Variants in ACCS observed in about 807,000 individuals in gnomAD.
ACCS encodes 1-aminocyclopropane-1-carboxylate synthase homolog (inactive), also known as 1-aminocyclopropane-1-carboxylate synthase-like protein 1.
Under a neutral mutation model 59.8 loss-of-function variants are expected in ACCS, and 42 were observed. The observed-to-expected ratio is 0.70, with a 90% confidence interval of 0.55 to 0.91. The LOEUF (loss-of-function observed/expected upper bound fraction) is 0.91. Ranked by LOEUF, ACCS falls within the 40% of genes least tolerant of loss-of-function variation. The probability of loss-of-function intolerance (pLI) is 0.00; values close to 1 mark genes in which losing one functional copy is unlikely to be tolerated. For synonymous variants in ACCS, 230 were observed against 240.3 expected, an observed-to-expected ratio of 0.96 and a Z score of 0.40; for missense variants, 602 against 630.4, an observed-to-expected ratio of 0.95 and a Z score of 0.48.
chr11:44,068,058 G>A, intron 2 of ACCS, 143 bp downstream of exon 2: 1 of 873,206 alleles, frequency 1.1e-6, no homozygotes, highest in Non-Finnish European at 1.7e-6. Flanking sequence ...TTCTGATGTA[G>A]CTTAGAGAGG....
Position 44,073,432 on chromosome 11 carries a change from C to T in ACCS, c.349-15C>T. 1 of 1,604,044 alleles carries T rather than the reference C, an allele frequency of 6.2e-7. No homozygotes were observed. The highest frequency in any genetic ancestry group is 8.5e-7 in the Non-Finnish European group (1 of 1,175,830). ...GTGCTGGCCCTCAGCCGTGCTCTTC[C>T]CTCTCTGTCCCCAGCTGAGTCAGCG... On this transcript the variant is annotated splice_polypyrimidine_tract_variant and intron_variant, in intron 3 of 14. Coordinates refer to ENST00000263776, the MANE Select transcript of ACCS (RefSeq NM_032592.4).
intron 8 of ACCS, 37 bp downstream of exon 8, chr11:44,077,959 G>A: frequency 6.2e-7 from 1 of 1,606,902 alleles, no homozygotes; most frequent in Non-Finnish European, 8.5e-7. Flanking sequence ...CTGGGTGTGG[G>A]TGGGTCTGAG....
At chr11:44,077,648 C>A in intron 7 of ACCS, 197 bp from the exon 8 acceptor site, 3 of 1,438,568 alleles carry the variant, frequency 2.1e-6, no homozygotes, top group Non-Finnish European at 2.7e-6. Context: ...GCATGACACC[C>A]AAGAGTGATG....
chr11:44,074,507 A>G, intron 4 of ACCS, 105 bp from the exon 5 acceptor site: 1 of 855,082 alleles, frequency 1.2e-6, no homozygotes, highest in Non-Finnish European at 2.0e-6. Flanking sequence ...ATGGGAAATT[A>G]GGGAAGAGTG....
intron 12 of ACCS, among the ~76,000 whole-genome samples, chr11:44,081,789 C>A (rs1442755424): frequency 7.2e-5 from 11 of 152,208 alleles, no homozygotes; most frequent in Admixed American, 7.2e-4. Flanking sequence ...GAGCCTTCAT[C>A]ATACCACTAC....
At chr11:44,074,488 C>T in intron 4 of ACCS, 124 bp from the exon 5 acceptor site, 1 of 771,052 alleles carries the variant, frequency 1.3e-6, no homozygotes, top group African/African-American at 1.7e-5. Flanking sequence ...GATACACCCA[C>T]ACCCCATCAT....
In ACCS at chr11:44,071,225, C is replaced by T. The variant is rs377581240; in HGVS notation, c.289-31C>T. ...CTTTCACTGGCACCCCCCTGCCATGCTAACTCTGCCTCTGTACCTCTCATC... is the reference window on the plus strand; with the variant it reads ...CTTTCACTGGCACCCCCCTGCCATGTTAACTCTGCCTCTGTACCTCTCATC... On this transcript the variant is annotated intron_variant, in intron 2 of 14. Coordinates refer to ENST00000263776, the MANE Select transcript of ACCS (RefSeq NM_032592.4). 31 of 1,613,500 alleles carry T rather than the reference C, an allele frequency of 1.9e-5. No individual in the cohort carries two copies. The African/African-American group carries it at 2.7e-4, about 14-fold the overall frequency.
intron 11 of ACCS, 34 bp downstream of exon 11, chr11:44,081,099 G>T (rs779271780): frequency 1.9e-6 from 3 of 1,614,092 alleles, no homozygotes; most frequent in Admixed American, 1.7e-5. Flanking sequence ...GGTGTCAGAA[G>T]GGTGGGAGGG....
At chr11:44,078,249 C>T (rs1953469816) in intron 8 of ACCS, 2 of 343,568 alleles carry the variant, frequency 5.8e-6, no homozygotes, top group South Asian at 1.3e-4. Flanking sequence ...TTACAAGTCT[C>T]CCTGGTAGTT....
At chr11:44,069,479 A>G (rs7951081) in intron 2 of ACCS, among the ~76,000 whole-genome samples, 26,854 of 152,188 alleles carry the variant, frequency 0.18, 2,658 homozygotes, top group East Asian at 0.31. Context: ...CGCCTCCCAA[A>G]GTGCTGGGAT....
At chr11:44,081,481 T>G (rs1209180199) in intron 12 of ACCS, among the ~76,000 whole-genome samples, 161 bp downstream of exon 12, 1 of 152,262 alleles carries the variant, frequency 6.6e-6, no homozygotes, top group Admixed American at 6.5e-5. Context: ...TTTGGCCACT[T>G]CCTGGCCATG....
chr11:44,073,770 C>G (rs996685443), intron 4 of ACCS, among the ~76,000 whole-genome samples: 5 of 152,180 alleles, frequency 3.3e-5, no homozygotes, highest in Non-Finnish European at 5.9e-5. Context: ...CCTGCCAGTC[C>G]CACCTCAGCA....
intron 11 of ACCS, 51 bp from the exon 12 acceptor site, chr11:44,081,128 C>A (rs1369123337): frequency 1.2e-6 from 2 of 1,614,174 alleles, no homozygotes; most frequent in Non-Finnish European, 1.7e-6. Context: ...TGGGTGGAAC[C>A]AGCTTCCTCC....
chr11:44,073,343 G>A (rs1953152138), intron 3 of ACCS, 104 bp from the exon 4 acceptor site: 1 of 952,732 alleles, frequency 1.0e-6, no homozygotes, highest in African/African-American at 1.6e-5. Flanking sequence ...CCCTCTCGCA[G>A]TTTCTCTGAT....
chr11:44,083,882 A>G lies in ACCS; in HGVS notation c.*90A>G, dbSNP rs1953753862. ...GCAGAAGACTGACTGTGGATGTGCC[A>G]TTTGCCAGGAAGGTATCTAACTTGG... On this transcript the variant is annotated 3_prime_UTR_variant, in exon 15 of 15. Transcript: ENST00000263776. 4 of 1,530,532 alleles carry G rather than the reference A, an allele frequency of 2.6e-6. No individual in the cohort carries two copies. Among genetic ancestry groups the G allele is most frequent in the South Asian group, 1.2e-5 (1 of 81,730 alleles). 94.8% of individuals were successfully genotyped at this position (1,530,532 alleles called of 1,614,324 possible).
rs1953421677 is a variant in ACCS, at chr11:44,077,363, A to G, written c.641A>G (p.Tyr214Cys). ...LYGNIRLAYV[Y>C]LDSEVTGLDT... ...GGCAACATCCGGCTGGCCTATGTCT[A>G]CCTGGACAGTGAGGTAAGAGTCTTG... Residue 214 changes from tyrosine (Y) to cysteine (C), a missense_variant, in exon 7 of 15, where the codon TAC becomes TGC. Physicochemically the swap from Tyr to Cys is radical, Grantham distance 194. Coordinates refer to ENST00000263776, the MANE Select transcript of ACCS (RefSeq NM_032592.4). 1 of 1,613,986 alleles carries G rather than the reference A, an allele frequency of 6.2e-7. No homozygotes were observed. Among genetic ancestry groups the G allele is most frequent in the Admixed American group, 1.7e-5 (1 of 60,002 alleles).
intron 12 of ACCS, 39 bp downstream of exon 12, chr11:44,081,359 G>A (rs1332645474): frequency 6.2e-7 from 1 of 1,605,908 alleles, no homozygotes; most frequent in Non-Finnish European, 8.5e-7. Context: ...ATGGGAGGAG[G>A]GTTGGAGGCA....
At chr11:44,081,813 T>C (rs77027198) in intron 12 of ACCS, among the ~76,000 whole-genome samples, 3,539 of 152,278 alleles carry the variant, frequency 0.023, 161 homozygotes, top group African/African-American at 0.081. Flanking sequence ...CCAGCTCGGG[T>C]GACAGAGTAA....
At chr11:44,072,153 T>TTTA (rs1389998756) in intron 3 of ACCS, 1 of 151,330 alleles carries the variant, frequency 6.6e-6, no homozygotes, top group Non-Finnish European at 1.5e-5. Context: ...ATAGATTTTA[T>TTTA]TTATTTATTT....
Sources: gnomAD v4.1 joint callset for allele counts (sites outside exome capture counted in the v4.1 genomes callset) on GRCh38, gnomAD v4.1.1 for gene constraint, MANE v1.5 for transcripts, NCBI Gene and HGNC (gene_info 2026-07-23, HGNC 2026-07-21) for gene names.